The following COL6A6 variants were observed in gnomAD, a reference collection of about 807,000 sequenced individuals.
COL6A6 encodes the protein collagen type VI alpha 6 chain.
Under a neutral mutation model 208.6 loss-of-function variants are expected in COL6A6, and 183 were observed. That is an observed-to-expected ratio of 0.88 (90% confidence interval 0.78 to 0.99). The LOEUF (loss-of-function observed/expected upper bound fraction) is 0.99, where lower values mean the gene tolerates loss of function less well. COL6A6 is among the 50% of genes least tolerant of loss of function. The probability of loss-of-function intolerance (pLI) is 0.00; values close to 1 mark genes in which losing one functional copy is unlikely to be tolerated. For missense variants in COL6A6, 2,816 were observed against 2,815.2 expected (o/e 1.00, Z -0.01); for synonymous variants, 973 against 1,011.8 (o/e 0.96, Z 0.73).
chr3:130,517,082 G>A (rs140834601), upstream of COL6A6, among the ~76,000 whole-genome samples: 46 of 152,348 alleles, frequency 3.0e-4, no homozygotes, highest in Non-Finnish European at 5.9e-4. Context: ...CCCCCTCCTG[G>A]GGGACGTGCG....
At chr3:130,650,490 A>G (rs751463978) in intron 33 of COL6A6, among the ~76,000 whole-genome samples, 1 of 152,004 alleles carries the variant, frequency 6.6e-6, no homozygotes, top group Admixed American at 6.5e-5. Context: ...GCGCGATGGC[A>G]GGCACCTGTA....
intron 35 of COL6A6, among the ~76,000 whole-genome samples, chr3:130,662,685 C>T (rs1248226564): frequency 3.3e-5 from 5 of 152,104 alleles, no homozygotes; most frequent in African/African-American, 1.2e-4. Context: ...TGGAAAGTTT[C>T]ATCTGTTAAG....
At chr3:130,635,929 C>T (rs1287913758) in intron 28 of COL6A6, among the ~76,000 whole-genome samples, 168 bp downstream of exon 28, 1 of 152,220 alleles carries the variant, frequency 6.6e-6, no homozygotes, top group Non-Finnish European at 1.5e-5. Context: ...TCTCTCAATG[C>T]CAGTGCAAAA....
In COL6A6 at chr3:130,563,610, A is replaced by G; in HGVS notation, c.607A>G (p.Ile203Val). 1.2e-6 allele frequency: 2 copies of G among 1,613,964 alleles called. No homozygotes were observed. Among genetic ancestry groups the G allele is most frequent in the Non-Finnish European group, 1.7e-6 (2 of 1,179,844 alleles). Reference sequence around the variant, plus strand: ...GTTTTCCCAAAACATGACACACATCATCAAGGATGTAATAAAGTACAAGGA... The same window carrying G: ...GTTTTCCCAAAACATGACACACATCGTCAAGGATGTAATAAAGTACAAGGA... ...SMFSQNMTHIIKDVIKYKEGA... is the reference protein window; with the variant it reads ...SMFSQNMTHIVKDVIKYKEGA... Residue 203 changes from isoleucine (I) to valine (V), a missense_variant, in exon 3 of 37, where the codon ATC becomes GTC. Ile to Val is a conservative substitution (Grantham distance 29). Coordinates refer to ENST00000358511, the MANE Select transcript of COL6A6 (RefSeq NM_001102608.3).
At chr3:130,634,242 T>TAAAAAAAAAAAA (rs202193097) in intron 26 of COL6A6, among the ~76,000 whole-genome samples, 98 of 23,768 alleles carry the variant, frequency 4.1e-3, no homozygotes, top group Non-Finnish European at 4.8e-3. Context: ...AATAAATAAA[T>TAAAAAAAAAAAA]AAAAAAAAAA....
intron 35 of COL6A6, among the ~76,000 whole-genome samples, chr3:130,662,840 T>C (rs2065971340): frequency 6.6e-6 from 1 of 152,214 alleles, no homozygotes; most frequent in Non-Finnish European, 1.5e-5. Context: ...CTTAGCCTTG[T>C]TAATGGCTCT....
chr3:130,669,513 G>T (rs1166030705), intron 36 of COL6A6, among the ~76,000 whole-genome samples: 5 of 152,092 alleles, frequency 3.3e-5, no homozygotes, highest in South Asian at 2.1e-4. Flanking sequence ...TTAGAACTGT[G>T]TAACAATCAA....
chr3:130,659,987 A>G (rs2065898082), intron 34 of COL6A6, among the ~76,000 whole-genome samples: 1 of 152,160 alleles, frequency 6.6e-6, no homozygotes, highest in South Asian at 2.1e-4. Flanking sequence ...CTTACTCAGA[A>G]CAGTTAAAGT....
intron 23 of COL6A6, among the ~76,000 whole-genome samples, chr3:130,614,796 T>C (rs1216493418): frequency 3.3e-5 from 5 of 152,160 alleles, no homozygotes; most frequent in African/African-American, 1.2e-4. Context: ...TTTGTGTGCA[T>C]AGAGGTGTTC....
At chr3:130,556,762 G>A (rs1206809366) in intron 1 of COL6A6, among the ~76,000 whole-genome samples, 1 of 152,054 alleles carries the variant, frequency 6.6e-6, no homozygotes, top group African/African-American at 2.4e-5. Flanking sequence ...GTCCCCTGAA[G>A]TTCATGTAGA....
chr3:130,639,296 C>G (rs1651901250), intron 28 of COL6A6, among the ~76,000 whole-genome samples: 1 of 152,120 alleles, frequency 6.6e-6, no homozygotes, highest in East Asian at 1.9e-4. Context: ...TTTTGCCCAA[C>G]ATAGTCTGTT....
rs368991418 is a variant in COL6A6 at position 130,581,708 on chromosome 3, G to A, written c.3695G>A (p.Gly1232Asp). The A allele has an allele frequency of 3.1e-6, 5 of 1,613,942 alleles. No individual in the cohort carries two copies. Among genetic ancestry groups the A allele is most frequent in the African/African-American group, 1.3e-5 (1 of 75,028 alleles). Residue 1232 changes from glycine (G) to aspartate (D), a missense_variant, in exon 9 of 37, where the codon GGC (glycine) becomes GAC (aspartate). Transcript: ENST00000358511. ...SSLNGVSCEV[G>D]TETQVSVAFQ... Reference sequence around the variant, plus strand: ...CTCAATGGAGTAAGCTGTGAGGTGGGCACAGAGACTCAGGTCAGTGTGGCT... The same window carrying A: ...CTCAATGGAGTAAGCTGTGAGGTGGACACAGAGACTCAGGTCAGTGTGGCT...
chr3:130,638,332 A>C (rs1247530356), intron 28 of COL6A6, among the ~76,000 whole-genome samples: 2 of 152,184 alleles, frequency 1.3e-5, no homozygotes, highest in African/African-American at 4.8e-5. Flanking sequence ...TTGCTGATGT[A>C]CCTTTCTTGA....
chr3:130,617,261 C>T lies in COL6A6; in HGVS notation c.4816-4560C>T, dbSNP rs183021920. ...GAATGAGGTATAGACTCTAGCCTCA[C>T]GTATACCCAATCTCATAAAGGAGAC... On this transcript the variant is annotated intron_variant, in intron 23 of 36. Transcript: ENST00000358511. 2.6e-5 allele frequency among the ~76,000 whole-genome samples: 4 copies of T among 152,182 alleles called. No individual in the cohort carries two copies. In the East Asian group the frequency reaches 5.8e-4, roughly 22 times the overall value.
intron 23 of COL6A6, among the ~76,000 whole-genome samples, chr3:130,618,331 C>T (rs748784476): frequency 2.0e-5 from 3 of 152,182 alleles, no homozygotes; most frequent in Non-Finnish European, 2.9e-5. Flanking sequence ...TAATAACAGG[C>T]ATCTCACTGT....
intron 26 of COL6A6, among the ~76,000 whole-genome samples, chr3:130,634,242 T>TAAAAAAAAAAAAAAAAA (rs202193097): frequency 4.2e-5 from 1 of 23,808 alleles, no homozygotes; most frequent in Non-Finnish European, 5.9e-5. Context: ...AATAAATAAA[T>TAAAAAAAAAAAAAAAAA]AAAAAAAAAA....
At chr3:130,581,494 C>A (rs1302735787) in intron 8 of COL6A6, 67 bp from the exon 9 acceptor site, 6 of 1,138,142 alleles carry the variant, frequency 5.3e-6, no homozygotes, top group Admixed American at 2.3e-5. Flanking sequence ...TTGATTCAGA[C>A]ATGGTGTCTG....
At chr3:130,606,107 G>A (rs138269061) in intron 20 of COL6A6, among the ~76,000 whole-genome samples, 43 of 152,314 alleles carry the variant, frequency 2.8e-4, no homozygotes, top group African/African-American at 9.4e-4. Context: ...TGAAATACTG[G>A]CCTCTCAGAG....
intron 1 of COL6A6, among the ~76,000 whole-genome samples, chr3:130,524,237 G>T (rs1039667500): frequency 1.3e-5 from 2 of 152,166 alleles, no homozygotes; most frequent in East Asian, 1.9e-4. Flanking sequence ...TACATAATTG[G>T]GGTGGAAATT....
Sources: gnomAD v4.1 joint callset for allele counts (sites outside exome capture counted in the v4.1 genomes callset) on GRCh38, gnomAD v4.1.1 for gene constraint, MANE v1.5 for transcripts, NCBI Gene and HGNC (gene_info 2026-07-23, HGNC 2026-07-21) for gene names.